Variants in CTNNBL1 observed in about 807,000 individuals in gnomAD.
CTNNBL1 encodes the protein beta-catenin-like protein 1.
A neutral mutation model predicts 72.7 loss-of-function variants in CTNNBL1; 31 were observed. The ratio of observed to expected loss-of-function variants is 0.43; its 90% CI spans 0.32 to 0.58. CTNNBL1 has a LOEUF of 0.58. Among genes scored for constraint, CTNNBL1 ranks in the 20% least tolerant of loss-of-function variants. The probability of loss-of-function intolerance (pLI) is 0.08; values close to 1 mark genes in which losing one functional copy is unlikely to be tolerated. For synonymous variants in CTNNBL1, 240 were observed against 267.3 expected (o/e 0.90, Z 1.00); for missense variants, 534 against 725.1 (o/e 0.74, Z 3.03).
At chr20:37,759,559 A>G (rs573052529) in intron 5 of CTNNBL1, among the ~76,000 whole-genome samples, 76 of 152,258 alleles carry the variant, frequency 5.0e-4, no homozygotes, top group Non-Finnish European at 8.4e-4. Context: ...GAAACAGTTC[A>G]CCCTCAGTCT....
At chr20:37,823,320 C>T (rs2122775070) in intron 11 of CTNNBL1, among the ~76,000 whole-genome samples, 1 of 152,328 alleles carries the variant, frequency 6.6e-6, no homozygotes, top group Non-Finnish European at 1.5e-5. Flanking sequence ...CCTCTAACTG[C>T]CGCCTGACTG....
intron 10 of CTNNBL1, among the ~76,000 whole-genome samples, chr20:37,793,275 A>G (rs1021267721): frequency 5.9e-5 from 9 of 152,314 alleles, no homozygotes; most frequent in Middle Eastern, 3.4e-3. Context: ...TTTCAGTTCT[A>G]TCAGCTTTTG....
chr20:37,744,011 T>C (rs1237324324), intron 3 of CTNNBL1, among the ~76,000 whole-genome samples: 1 of 152,064 alleles, frequency 6.6e-6, no homozygotes, highest in East Asian at 1.9e-4. Context: ...AAAAGCACAA[T>C]GTACAAATTA....
chr20:37,745,513 T>C (rs1218424431), intron 3 of CTNNBL1, among the ~76,000 whole-genome samples: 1 of 152,248 alleles, frequency 6.6e-6, no homozygotes, highest in Non-Finnish European at 1.5e-5. Context: ...CAGTGCTTTA[T>C]ATGTCCTTAC....
At chr20:37,815,421 G>A (rs1312963566) in intron 11 of CTNNBL1, among the ~76,000 whole-genome samples, 1 of 151,546 alleles carries the variant, frequency 6.6e-6, no homozygotes, top group South Asian at 2.1e-4. Flanking sequence ...GGGTTCAAGC[G>A]ATTCTCCTGC....
chr20:37,710,064 G>T (rs936453899), intron 1 of CTNNBL1, among the ~76,000 whole-genome samples: 9 of 152,196 alleles, frequency 5.9e-5, no homozygotes, highest in African/African-American at 1.7e-4. Context: ...TCTTTTCCAT[G>T]TGCAAAACAT....
At chr20:37,736,851 G>A (rs958288344) in intron 2 of CTNNBL1, among the ~76,000 whole-genome samples, 6 of 152,122 alleles carry the variant, frequency 3.9e-5, no homozygotes, top group Admixed American at 3.9e-4. Context: ...TGGGCATTGT[G>A]TGAGACACCC....
At chr20:37,718,208 C>T (rs1387223915) in intron 1 of CTNNBL1, among the ~76,000 whole-genome samples, 6 of 150,676 alleles carry the variant, frequency 4.0e-5, no homozygotes, top group Non-Finnish European at 4.4e-5. Flanking sequence ...CCCTCACCTC[C>T]GGGACGGGGC....
At chr20:37,837,142 A>G (rs1254330004) in intron 11 of CTNNBL1, among the ~76,000 whole-genome samples, 1 of 152,068 alleles carries the variant, frequency 6.6e-6, no homozygotes, top group Non-Finnish European at 1.5e-5. Flanking sequence ...GGCATACACA[A>G]AGGTCAGAGC....
In CTNNBL1 at chr20:37,787,341, GTGTTTTTTT is replaced by G. The variant is rs1474937502; in HGVS notation, c.1031+8008_1031+8016del. Among the ~76,000 whole-genome samples the G allele has an allele frequency of 2.8e-3, 243 of 86,650 alleles. 2 individuals carry two copies. The highest frequency in any genetic ancestry group is 8.8e-3 in the Middle Eastern group (1 of 114). The allele number at this position is 86,650 out of a possible 152,430, so 56.8% of individuals were successfully genotyped here. On this transcript the variant is annotated intron_variant, in intron 10 of 15. Transcript: ENST00000361383. ...ACTCTTGTTAAAGACACATAACTGTGTGTTTTTTTTTTTTTTTTTTTGAGACGGAGTCTC... is the reference window on the plus strand; with the variant it reads ...ACTCTTGTTAAAGACACATAACTGTGTTTTTTTTTTTTGAGACGGAGTCTC...
chr20:37,859,773 T>A (rs2072474420), intron 13 of CTNNBL1, 126 bp from the exon 14 acceptor site: 9 of 868,312 alleles, frequency 1.0e-5, no homozygotes, highest in East Asian at 1.0e-4. Flanking sequence ...ATCAAAAAGA[T>A]GAGGTGATTT....
In CTNNBL1 at chr20:37,859,908, C is replaced by G; in HGVS notation, c.1402C>G (p.Arg468Gly). 6.2e-7 allele frequency: 1 copy of G among 1,613,610 alleles called. No individual in the cohort carries two copies. The highest frequency in any genetic ancestry group is 1.1e-5 in the South Asian group (1 of 90,962). ...KIEGEKHDMV[R>G]RGEIIDNDTE... Reference sequence around the variant, plus strand: ...GTTCATTTGTTTCTAGGACATGGTCCGGCGAGGAGAGATCATCGACAATGA... The same window carrying G: ...GTTCATTTGTTTCTAGGACATGGTCGGGCGAGGAGAGATCATCGACAATGA... The change falls in exon 14 of 16, where the codon CGG becomes GGG. Residue 468 changes from arginine (R) to glycine (G), a missense_variant. Transcript: ENST00000361383.
At chr20:37,767,288 A>T (rs2073478248) in intron 6 of CTNNBL1, among the ~76,000 whole-genome samples, 1 of 152,150 alleles carries the variant, frequency 6.6e-6, no homozygotes, top group African/African-American at 2.4e-5. Context: ...TTCGTATCAT[A>T]GTCATGCAAT....
chr20:37,822,079 A>G (rs749004049), intron 11 of CTNNBL1, among the ~76,000 whole-genome samples: 15 of 152,276 alleles, frequency 9.9e-5, no homozygotes, highest in Middle Eastern at 3.4e-3. Context: ...CTTTCTGATT[A>G]TTACTGTGCT....
At chr20:37,752,296 C>T (rs755425919) in intron 4 of CTNNBL1, among the ~76,000 whole-genome samples, 9 of 151,988 alleles carry the variant, frequency 5.9e-5, no homozygotes, top group Non-Finnish European at 1.2e-4. Flanking sequence ...GGATAAGAGT[C>T]CAGGTTCATT....
chr20:37,867,309 T>C (rs1275719828), intron 15 of CTNNBL1, among the ~76,000 whole-genome samples: 1 of 152,154 alleles, frequency 6.6e-6, no homozygotes, highest in Non-Finnish European at 1.5e-5. Context: ...AAGGTGAACA[T>C]GTAAGGCTTA....
intron 10 of CTNNBL1, among the ~76,000 whole-genome samples, chr20:37,799,013 A>G (rs1021547219): frequency 6.6e-5 from 10 of 152,180 alleles, no homozygotes; most frequent in African/African-American, 2.2e-4. Context: ...ATCTTAATAC[A>G]AAAAATCCCT....
chr20:37,755,695 TG>T (rs2073357591), intron 4 of CTNNBL1, among the ~76,000 whole-genome samples: 1 of 152,196 alleles, frequency 6.6e-6, no homozygotes, highest in South Asian at 2.1e-4. Flanking sequence ...CTGTCATTCT[TG>T]TTCTTATATT....
At chr20:37,849,050 T>G (rs560609788) in intron 13 of CTNNBL1, among the ~76,000 whole-genome samples, 3 of 152,296 alleles carry the variant, frequency 2.0e-5, no homozygotes, top group South Asian at 4.1e-4. Context: ...CTCCTCTCCC[T>G]CCACCTCCCA....
Sources: allele counts gnomAD v4.1 joint callset (sites outside exome capture counted in the v4.1 genomes callset), GRCh38; gene constraint gnomAD v4.1.1; transcripts MANE v1.5; gene names NCBI Gene and HGNC (gene_info 2026-07-23, HGNC 2026-07-21).